BMS1: variants seen among roughly 807,000 people sequenced by gnomAD.
The protein encoded by BMS1 is BMS1 ribosome biogenesis factor.
Under a neutral mutation model 138.7 loss-of-function variants are expected in BMS1, and 53 were observed. That is an observed-to-expected ratio of 0.38 (90% CI 0.31 to 0.48). The LOEUF (loss-of-function observed/expected upper bound fraction) is 0.48. BMS1 is among the 20% of genes least tolerant of loss of function. The pLI is 0.97. For synonymous variants in BMS1, 504 were observed against 539.9 expected, an observed-to-expected ratio of 0.93 and a Z score of 0.92; for missense variants, 1,360 against 1,565.5, an observed-to-expected ratio of 0.87 and a Z score of 2.22.
At chr10:42,829,727 CAGG>C (rs758243955) in intron 21 of BMS1, among the ~76,000 whole-genome samples, 1 of 151,982 alleles carries the variant, frequency 6.6e-6, no homozygotes, top group African/African-American at 2.4e-5. Flanking sequence ...GAGGCTGAGA[CAGG>C]AGAATTGCTT....
intron 14 of BMS1, among the ~76,000 whole-genome samples, chr10:42,816,915 C>T (rs144669739): frequency 3.9e-5 from 6 of 152,288 alleles, no homozygotes; most frequent in East Asian, 1.9e-4. Flanking sequence ...TTTTCACTCA[C>T]GGAAGTCTTA....
chr10:42,784,024 G>T (rs4949033), intron 1 of BMS1, among the ~76,000 whole-genome samples: 55,672 of 151,936 alleles, frequency 0.37, 10,881 homozygotes, highest in East Asian at 0.64. Flanking sequence ...TAAGTATATT[G>T]TAAGTAACCA....
At chr10:42,827,076 T>TTG (rs1842669510) in intron 21 of BMS1, among the ~76,000 whole-genome samples, 1 of 152,110 alleles carries the variant, frequency 6.6e-6, no homozygotes, top group Non-Finnish European at 1.5e-5. Context: ...TATGAATAGA[T>TTG]TAATGCCTTT....
intron 15 of BMS1, among the ~76,000 whole-genome samples, chr10:42,818,596 GGTT>G (rs1483894533): frequency 5.9e-5 from 9 of 152,210 alleles, no homozygotes; most frequent in African/African-American, 1.7e-4. Flanking sequence ...TGGAAGGACG[GGTT>G]GTTGTAAGTT....
chr10:42,784,375 G>C lies in BMS1; in HGVS notation c.-20G>C, dbSNP rs1407849567. 5 of 1,583,072 alleles carry C rather than the reference G, an allele frequency of 3.2e-6. No individual in the cohort carries two copies. The highest frequency in any genetic ancestry group is 4.3e-6 in the Non-Finnish European group (5 of 1,171,488). ...TCTTCCTTGTAGGTTAGAGTTACTT[G>C]TTATTGGTAAATAGCCACTATGGAG... On this transcript the variant is annotated 5_prime_UTR_variant, in exon 2 of 23. Coordinates refer to ENST00000374518, the MANE Select transcript of BMS1 (RefSeq NM_014753.4).
intron 13 of BMS1, among the ~76,000 whole-genome samples, chr10:42,815,232 A>C (rs985684537): frequency 1.3e-5 from 2 of 152,228 alleles, no homozygotes; most frequent in Non-Finnish European, 2.9e-5. Flanking sequence ...AATATTTACA[A>C]CACCTACTTC....
chr10:42,822,614 A>C (rs1391738968), intron 19 of BMS1, among the ~76,000 whole-genome samples: 3 of 152,196 alleles, frequency 2.0e-5, no homozygotes, highest in African/African-American at 7.2e-5. Context: ...ACTGTTTTTC[A>C]GTATTTGGGG....
At position 42,788,935 on chromosome 10, in the gene BMS1, ATAATCAGTAAG is replaced by A. The variant is rs566140118; in HGVS notation, c.448-1385_448-1375del. Among the ~76,000 whole-genome samples, 28 of 152,366 alleles carry A rather than the reference ATAATCAGTAAG, an allele frequency of 1.8e-4. No individual in the cohort carries two copies. In the South Asian group the frequency reaches 5.8e-3, roughly 32 times the overall value. ...TTCATATAATGTATTTTGGAGGTAT[ATAATCAGTAAG>A]TACTGCAGCTCTGTCTCCTTTTTAA... On this transcript the variant is annotated intron_variant, in intron 4 of 22. Coordinates refer to ENST00000374518, the MANE Select transcript of BMS1 (RefSeq NM_014753.4).
intron 13 of BMS1, among the ~76,000 whole-genome samples, chr10:42,812,191 G>A (rs1162900256): frequency 7.2e-5 from 11 of 152,254 alleles, no homozygotes; most frequent in Admixed American, 3.3e-4. Flanking sequence ...TGTCACTTAC[G>A]CTAGAGTGCG....
chr10:42,811,808 G>A (rs940121912), intron 13 of BMS1, among the ~76,000 whole-genome samples: 7 of 151,958 alleles, frequency 4.6e-5, no homozygotes, highest in Non-Finnish European at 1.0e-4. Context: ...ACAGGCGTGA[G>A]CCACCGCGCC....
At chr10:42,801,727 G>A (rs1205238988) in intron 12 of BMS1, among the ~76,000 whole-genome samples, 1 of 152,148 alleles carries the variant, frequency 6.6e-6, no homozygotes, top group East Asian at 1.9e-4. Flanking sequence ...TCCCTTATCA[G>A]GTACATAATT....
intron 13 of BMS1, among the ~76,000 whole-genome samples, chr10:42,813,382 T>C (rs1339866615): frequency 4.6e-5 from 7 of 152,250 alleles, no homozygotes; most frequent in Non-Finnish European, 1.0e-4. Context: ...TATTTCTGTA[T>C]AATGTTGTTG....
At chr10:42,792,115 G>A (rs527386563) in intron 6 of BMS1, among the ~76,000 whole-genome samples, 25 of 152,114 alleles carry the variant, frequency 1.6e-4, no homozygotes, top group Non-Finnish European at 2.2e-4. Context: ...GCTCTTCCTC[G>A]TGTGGTTTTC....
chr10:42,815,644 G>A (rs1028732006), intron 13 of BMS1, among the ~76,000 whole-genome samples: 2 of 152,076 alleles, frequency 1.3e-5, no homozygotes, highest in African/African-American at 4.8e-5. Flanking sequence ...TCACTGCAAC[G>A]TCTGCCTCCC....
chr10:42,793,714 T>C, intron 8 of BMS1, 138 bp from the exon 9 acceptor site: 1 of 1,058,990 alleles, frequency 9.4e-7, no homozygotes. Flanking sequence ...TGTAAGGATT[T>C]TCTTCTCTGC....
At position 42,816,530 on chromosome 10, in the gene BMS1, G is replaced by C. The variant is rs180880896; in HGVS notation, c.2330-69G>C. The C allele has an allele frequency of 2.4e-4, 323 of 1,324,190 alleles. 1 individual carries two copies. The African/African-American group carries it at 4.2e-3, about 17-fold the overall frequency. The allele number at this position is 1,324,190 out of a possible 1,614,324, so 82.0% of individuals were successfully genotyped here. On this transcript the variant is annotated intron_variant, in intron 13 of 22. Transcript: ENST00000374518. ...GGAACGCAGAGCACACTGTGGGCCT[G>C]TGGTAGGTGGGGCCAGCAGCACATG...
At position 42,820,694 on chromosome 10, in the gene BMS1, A is replaced by C. The variant is rs1449342018; in HGVS notation, c.2950+6A>C. On this transcript the variant is annotated splice_donor_region_variant and intron_variant, in intron 17 of 22. Transcript: ENST00000374518. ...TTGCGGAGCAGCCTTTTGGGGTAAAATATGATTACAATAACTTGCCTGTTG... is the reference window on the plus strand; with the variant it reads ...TTGCGGAGCAGCCTTTTGGGGTAAACTATGATTACAATAACTTGCCTGTTG... 1 of 1,610,410 alleles carries C rather than the reference A, an allele frequency of 6.2e-7. No individual in the cohort carries two copies. The highest frequency in any genetic ancestry group is 1.1e-5 in the South Asian group (1 of 90,854).
Position 42,823,606 on chromosome 10 carries a change from C to A in BMS1, c.3281-3C>A. On this transcript the variant is annotated splice_region_variant and splice_polypyrimidine_tract_variant and intron_variant, in intron 20 of 22. Transcript: ENST00000374518. ...TGTTAAAGTAAATTACCTCTCTTTTCAGATATTGTCTTCATGCGAACTTGG... is the reference window on the plus strand; with the variant it reads ...TGTTAAAGTAAATTACCTCTCTTTTAAGATATTGTCTTCATGCGAACTTGG... 6.5e-7 allele frequency: 1 copy of A among 1,526,840 alleles called. No individual in the cohort carries two copies. Among genetic ancestry groups the A allele is most frequent in the Non-Finnish European group, 8.7e-7 (1 of 1,146,478 alleles). The allele number at this position is 1,526,840 out of a possible 1,614,324, so 94.6% of individuals were successfully genotyped here.
In BMS1 at chr10:42,790,434, G is replaced by A. The variant is rs779557609; in HGVS notation, c.559G>A (p.Asp187Asn). The A allele has an allele frequency of 8.1e-6, 13 of 1,613,686 alleles. No individual in the cohort carries two copies. Among genetic ancestry groups the A allele is most frequent in the Non-Finnish European group, 9.3e-6 (11 of 1,179,850 alleles). ...AATTATGGGAGTTCTCACCCACCTCGACTCCTTCAAGCATAATAAGCAACT... is the reference window on the plus strand; with the variant it reads ...AATTATGGGAGTTCTCACCCACCTCAACTCCTTCAAGCATAATAAGCAACT... ...PKIMGVLTHL[D>N]SFKHNKQLKK... The change falls in exon 5 of 23, where the codon GAC becomes AAC. Residue 187 changes from aspartate to asparagine, a missense_variant. By Grantham distance (23) the Asp-to-Asn change is conservative. Around this residue, in one of 3 missense-constraint regions of BMS1, gnomAD observed 238 missense variants for 311.1 expected, o/e 0.77. Coordinates refer to ENST00000374518, the MANE Select transcript of BMS1 (RefSeq NM_014753.4).
Sources: allele counts gnomAD v4.1 joint callset (sites outside exome capture counted in the v4.1 genomes callset), GRCh38; gene constraint gnomAD v4.1.1; regional missense constraint gnomAD v4.1.1; transcripts MANE v1.5; gene names NCBI Gene and HGNC (gene_info 2026-07-23, HGNC 2026-07-21).